Variants in EYS observed in about 807,000 individuals in gnomAD.
EYS encodes EGF-like photoreceptor maintenance factor, also known as protein eyes shut homolog.
EYS carries 250 observed loss-of-function variants against 282.1 expected under a neutral mutation model. That is an observed-to-expected ratio of 0.89 (90% CI 0.80 to 0.98). EYS has a LOEUF of 0.98. Ranked by LOEUF, EYS falls within the 50% of genes least tolerant of loss-of-function variation. The pLI is 0.00. For missense variants in EYS, 4,016 were observed against 3,709.0 expected, an observed-to-expected ratio of 1.08 and a Z score of -2.15; for synonymous variants, 1,355 against 1,282.9, an observed-to-expected ratio of 1.06 and a Z score of -1.20.
At chr6:65,456,731 AC>A (rs1764631861) in intron 5 of EYS, among the ~76,000 whole-genome samples, 1 of 151,814 alleles carries the variant, frequency 6.6e-6, no homozygotes, top group Non-Finnish European at 1.5e-5. Flanking sequence ...AAAAAAAAAA[AC>A]CTCACAACAA....
At chr6:64,282,212 A>G (rs1161240769) in intron 30 of EYS, among the ~76,000 whole-genome samples, 4 of 152,156 alleles carry the variant, frequency 2.6e-5, no homozygotes, top group Non-Finnish European at 5.9e-5. Context: ...GTTCAACTAT[A>G]TATCTTGATT....
rs1411574191 is a variant in EYS at position 65,686,942 on chromosome 6, T to A, written c.-448+20193A>T. Among the ~76,000 whole-genome samples, 5 of 152,070 alleles carry A rather than the reference T, an allele frequency of 3.3e-5. No individual in the cohort carries two copies. In the East Asian group the frequency reaches 7.8e-4, roughly 24 times the overall value. Reference sequence around the variant, plus strand: ...GAGCTTTTTTTTTAATGTTATAGGCTATTTAAATCGATTTTATTAGAACAC... The same window carrying A: ...GAGCTTTTTTTTTAATGTTATAGGCAATTTAAATCGATTTTATTAGAACAC... On this transcript the variant is annotated intron_variant, in intron 1 of 42. Transcript: ENST00000503581.
chr6:65,416,749 C>T lies in EYS; in HGVS notation c.863-11382G>A, dbSNP rs971868767. Among the ~76,000 whole-genome samples, 19 of 151,830 alleles carry T rather than the reference C, an allele frequency of 1.3e-4. 1 individual carries two copies. Among genetic ancestry groups the T allele is most frequent in the Admixed American group, 4.6e-4 (7 of 15,212 alleles). On this transcript the variant is annotated intron_variant, in intron 5 of 42. Coordinates refer to ENST00000503581, the MANE Select transcript of EYS (RefSeq NM_001142800.2). ...GTTGAGTATTTTATTCACTCAAGTTCGTTTTAGTCTACTTTCCTGTAAGAA... is the reference window on the plus strand; with the variant it reads ...GTTGAGTATTTTATTCACTCAAGTTTGTTTTAGTCTACTTTCCTGTAAGAA...
intron 26 of EYS, among the ~76,000 whole-genome samples, chr6:64,439,559 A>T (rs940446168): frequency 6.6e-6 from 1 of 151,730 alleles, no homozygotes; most frequent in Non-Finnish European, 1.5e-5. Flanking sequence ...ATAAAATCTC[A>T]TTGTAAGGCA....
In EYS at chr6:64,282,514, A is replaced by G. The variant is rs573828757; in HGVS notation, c.6191+24456T>C. On this transcript the variant is annotated intron_variant, in intron 30 of 42. Transcript: ENST00000503581. ...CTTAGAATCAATCTCTGGATATGTC[A>G]GTGAATGTGTCTTTAGATGACTCCA... is the stretch of plus-strand genomic sequence containing the variant. Among the ~76,000 whole-genome samples the G allele has an allele frequency of 2.0e-5, 3 of 152,324 alleles. No homozygotes were observed. In the East Asian group the frequency reaches 5.8e-4, roughly 29 times the overall value.
chr6:63,755,871 A>G (rs1473631024), intron 41 of EYS, among the ~76,000 whole-genome samples: 2 of 152,076 alleles, frequency 1.3e-5, no homozygotes, highest in East Asian at 3.9e-4. Flanking sequence ...TTGTATTCCT[A>G]GGTATTTTAT....
At chr6:64,807,863 A>G (rs12524316) in intron 22 of EYS, among the ~76,000 whole-genome samples, 101,471 of 151,888 alleles carry the variant, frequency 0.67, 34,348 homozygotes, top group Admixed American at 0.77. Flanking sequence ...AGTATGCAAA[A>G]CATACTGCCT....
intron 12 of EYS, among the ~76,000 whole-genome samples, chr6:65,236,288 C>T (rs1266095647): frequency 6.6e-6 from 1 of 152,000 alleles, no homozygotes; most frequent in African/African-American, 2.4e-5. Flanking sequence ...TCAATTACAC[C>T]ATAACCTAAA....
chr6:63,878,631 C>T (rs555115758), intron 35 of EYS, among the ~76,000 whole-genome samples: 79 of 152,334 alleles, frequency 5.2e-4, no homozygotes, highest in African/African-American at 1.7e-3. Flanking sequence ...CCACCCACTT[C>T]GAGCTTCCTG....
chr6:64,218,868 A>G (rs1766009491), intron 31 of EYS, among the ~76,000 whole-genome samples: 1 of 152,168 alleles, frequency 6.6e-6, no homozygotes, highest in Non-Finnish European at 1.5e-5. Context: ...TCTGGGATCC[A>G]ATTGATGATG....
chr6:64,887,636 C>G (rs187142953), intron 18 of EYS, among the ~76,000 whole-genome samples: 29 of 152,112 alleles, frequency 1.9e-4, no homozygotes, highest in Admixed American at 1.5e-3. Flanking sequence ...CTTCACTCAT[C>G]ATTTTATAAC....
chr6:63,897,727 T>A (rs763093091), intron 35 of EYS, among the ~76,000 whole-genome samples: 12 of 152,258 alleles, frequency 7.9e-5, no homozygotes, highest in Non-Finnish European at 1.3e-4. Flanking sequence ...GTTTCTGCAC[T>A]GGGCCATCTG....
chr6:65,620,473 C>A (rs10944822), intron 2 of EYS, among the ~76,000 whole-genome samples: 107,296 of 149,872 alleles, frequency 0.72, 38,785 homozygotes, highest in Middle Eastern at 0.77. Flanking sequence ...CTAGCAGTCT[C>A]TCAATTTTGT....
chr6:65,435,105 GA>G (rs944182071), intron 5 of EYS, among the ~76,000 whole-genome samples: 6 of 151,088 alleles, frequency 4.0e-5, no homozygotes, highest in South Asian at 2.1e-4. Context: ...TCTGATTTAA[GA>G]AAAAAAATTG....
At chr6:64,888,152 A>G (rs1767159275) in intron 18 of EYS, among the ~76,000 whole-genome samples, 1 of 151,970 alleles carries the variant, frequency 6.6e-6, no homozygotes, top group Non-Finnish European at 1.5e-5. Flanking sequence ...GGGATAGGAA[A>G]GATTGATTGA....
intron 24 of EYS, among the ~76,000 whole-genome samples, chr6:64,597,190 G>C (rs1018800628): frequency 6.6e-6 from 1 of 152,062 alleles, no homozygotes; most frequent in Non-Finnish European, 1.5e-5. Context: ...AGTTAGAATG[G>C]CTACCATTAA....
At chr6:65,539,723 C>T (rs1305308206) in intron 2 of EYS, among the ~76,000 whole-genome samples, 1 of 152,110 alleles carries the variant, frequency 6.6e-6, no homozygotes, top group East Asian at 1.9e-4. Context: ...AATATTACAG[C>T]AGTTTGCTTT....
intron 24 of EYS, among the ~76,000 whole-genome samples, chr6:64,599,105 T>C (rs1039281186): frequency 6.6e-6 from 1 of 152,160 alleles, no homozygotes; most frequent in African/African-American, 2.4e-5. Flanking sequence ...TGTGGCTTCT[T>C]TACTTGTTTG....
chr6:64,354,674 T>C (rs893151188), intron 29 of EYS, among the ~76,000 whole-genome samples: 26 of 151,588 alleles, frequency 1.7e-4, no homozygotes, highest in African/African-American at 6.3e-4. Context: ...GCATACTATG[T>C]AGATTAGTTT....
Sources: gnomAD v4.1 joint callset for allele counts (sites outside exome capture counted in the v4.1 genomes callset) on GRCh38, gnomAD v4.1.1 for gene constraint, MANE v1.5 for transcripts, NCBI Gene and HGNC (gene_info 2026-07-23, HGNC 2026-07-21) for gene names.